Variants in SLC1A3 observed in about 807,000 individuals in gnomAD.
The protein encoded by SLC1A3 is solute carrier family 1 member 3.
A neutral mutation model predicts 48.1 loss-of-function variants in SLC1A3; 21 were observed. The ratio of observed to expected loss-of-function variants is 0.44; its 90% CI spans 0.31 to 0.63. The LOEUF is 0.63. Among genes scored for constraint, SLC1A3 ranks in the 20% least tolerant of loss-of-function variants. The pLI, the probability that SLC1A3 is intolerant of heterozygous loss-of-function variation, is 0.08. For missense variants in SLC1A3, 546 were observed against 689.0 expected (o/e 0.79, Z 2.32); for synonymous variants, 239 against 251.4 (o/e 0.95, Z 0.47).
intron 6 of SLC1A3, among the ~76,000 whole-genome samples, chr5:36,678,234 A>C (rs1742291063): frequency 6.6e-6 from 1 of 152,202 alleles, no homozygotes; most frequent in South Asian, 2.1e-4. Flanking sequence ...GCCCAGAGAA[A>C]TCCATTTTTC....
chr5:36,651,591 T>A (rs1741079645), intron 3 of SLC1A3, among the ~76,000 whole-genome samples: 1 of 130,090 alleles, frequency 7.7e-6, no homozygotes, highest in Non-Finnish European at 1.6e-5. Context: ...CCTGGACTCT[T>A]TTCCCCAGCT....
chr5:36,682,993 G>C (rs1300782030), intron 8 of SLC1A3, among the ~76,000 whole-genome samples: 1 of 151,898 alleles, frequency 6.6e-6, no homozygotes, highest in East Asian at 1.9e-4. Context: ...TGCAAGCCAG[G>C]TCTACACTGC....
chr5:36,666,925 C>T (rs774292374), intron 3 of SLC1A3, among the ~76,000 whole-genome samples: 7 of 152,284 alleles, frequency 4.6e-5, no homozygotes, highest in Non-Finnish European at 8.8e-5. Context: ...TCAAGAAACT[C>T]CCTTCCTTTC....
intron 1 of SLC1A3, among the ~76,000 whole-genome samples, chr5:36,600,621 C>T (rs561898041): frequency 2.6e-5 from 4 of 152,310 alleles, no homozygotes; most frequent in African/African-American, 9.6e-5. Context: ...AGGAGGCTTG[C>T]ATTTGCTTCT....
intron 2 of SLC1A3, among the ~76,000 whole-genome samples, chr5:36,619,452 C>A (rs987396707): frequency 1.3e-5 from 2 of 152,140 alleles, no homozygotes; most frequent in African/African-American, 2.4e-5. Flanking sequence ...CCAGCCTGGG[C>A]AACATAGTGA....
At chr5:36,604,465 G>A (rs531989700), upstream of SLC1A3, among the ~76,000 whole-genome samples, 2 of 152,330 alleles carry the variant, frequency 1.3e-5, no homozygotes, top group Non-Finnish European at 2.9e-5. Flanking sequence ...TCCAGAAAGA[G>A]AAAGTGGTGC....
chr5:36,645,623 C>G (rs1740811709), intron 3 of SLC1A3, among the ~76,000 whole-genome samples: 1 of 152,104 alleles, frequency 6.6e-6, no homozygotes, highest in African/African-American at 2.4e-5. Flanking sequence ...CCGCGCCCGG[C>G]CCTCCATTGC....
At chr5:36,649,190 A>C (rs1363232104) in intron 3 of SLC1A3, 1 of 152,068 alleles carries the variant, frequency 6.6e-6, no homozygotes, top group African/African-American at 2.4e-5. Context: ...CTAAAAAAAA[A>C]ATACAAAATT....
At chr5:36,624,439 A>T (rs185750290) in intron 2 of SLC1A3, among the ~76,000 whole-genome samples, 23 of 152,336 alleles carry the variant, frequency 1.5e-4, no homozygotes, top group Admixed American at 7.2e-4. Context: ...GTGAGCACGT[A>T]ACCCCTCTTT....
chr5:36,657,657 G>A (rs1415600764), intron 3 of SLC1A3, among the ~76,000 whole-genome samples: 1 of 152,202 alleles, frequency 6.6e-6, no homozygotes, highest in East Asian at 1.9e-4. Context: ...AGGCTGCAAT[G>A]CTGGATGGAA....
intron 3 of SLC1A3, among the ~76,000 whole-genome samples, chr5:36,644,554 T>C (rs894136783): frequency 3.3e-5 from 5 of 152,230 alleles, no homozygotes; most frequent in African/African-American, 9.6e-5. Flanking sequence ...CCTCTAAAAA[T>C]AGTTAAGATG....
intron 2 of SLC1A3, chr5:36,613,005 G>A: frequency 5.7e-6 from 2 of 353,436 alleles, no homozygotes; most frequent in East Asian, 1.7e-4. Context: ...CAGACCAATG[G>A]CCCGCTTTCT....
chr5:36,644,158 T>G (rs552628541), intron 3 of SLC1A3, among the ~76,000 whole-genome samples: 127 of 141,802 alleles, frequency 9.0e-4, no homozygotes, highest in Non-Finnish European at 7.7e-4. Flanking sequence ...AGCAAAGAGA[T>G]ATAATAGCCA....
chr5:36,639,426 A>G (rs1740524001), intron 3 of SLC1A3, among the ~76,000 whole-genome samples: 1 of 152,268 alleles, frequency 6.6e-6, no homozygotes. Context: ...ATTGTTCTGT[A>G]ATATGCTTTA....
intron 3 of SLC1A3, among the ~76,000 whole-genome samples, chr5:36,653,606 T>C (rs1185362223): frequency 6.6e-6 from 1 of 152,032 alleles, no homozygotes; most frequent in Non-Finnish European, 1.5e-5. Flanking sequence ...TTTAGTAGAG[T>C]TTCCCAAGTG....
intron 3 of SLC1A3, among the ~76,000 whole-genome samples, chr5:36,632,716 G>A (rs1208756147): frequency 6.6e-6 from 1 of 152,210 alleles, no homozygotes; most frequent in Non-Finnish European, 1.5e-5. Context: ...CTTGGACTAA[G>A]CTTTTTATTG....
chr5:36,641,489 GT>G (rs1397671411), intron 3 of SLC1A3, among the ~76,000 whole-genome samples: 3 of 151,812 alleles, frequency 2.0e-5, no homozygotes. Context: ...TATTACAAAT[GT>G]TCTACAATTG....
intron 7 of SLC1A3, 31 bp from the exon 8 acceptor site, chr5:36,680,364 C>A: frequency 6.3e-7 from 1 of 1,577,904 alleles, no homozygotes; most frequent in Non-Finnish European, 8.7e-7. Context: ...CCAGGACACT[C>A]AGCTGATGTG....
intron 2 of SLC1A3, among the ~76,000 whole-genome samples, chr5:36,609,658 G>A (rs761486268): frequency 6.6e-6 from 1 of 152,122 alleles, no homozygotes; most frequent in Non-Finnish European, 1.5e-5. Context: ...TTTGTCACAA[G>A]ATTTTAGATA....
Sources: gnomAD v4.1 joint callset for allele counts (sites outside exome capture counted in the v4.1 genomes callset) on GRCh38, gnomAD v4.1.1 for gene constraint, MANE v1.5 for transcripts, NCBI Gene and HGNC (gene_info 2026-07-23, HGNC 2026-07-21) for gene names.